TIMM8B: variants seen among roughly 807,000 people sequenced by gnomAD.
TIMM8B encodes the protein translocase of inner mitochondrial membrane 8 homolog B.
TIMM8B carries 5 observed loss-of-function variants against 8.5 expected under a neutral mutation model. That is an observed-to-expected ratio of 0.59 (90% CI 0.31 to 1.24). The LOEUF (loss-of-function observed/expected upper bound fraction) is 1.24. Ranked by LOEUF, TIMM8B falls within the 50% of genes most tolerant of loss-of-function variation. The pLI is 0.07. For missense variants in TIMM8B, 104 were observed against 109.2 expected (o/e 0.95, Z 0.21); for synonymous variants, 44 against 39.9 (o/e 1.10, Z -0.39).
At chr11:112,086,151 T>C (rs543527991) in intron 1 of TIMM8B, 172 of 802,390 alleles carry the variant, frequency 2.1e-4, no homozygotes, top group South Asian at 1.0e-3. Flanking sequence ...TCTACATCCA[T>C]AGTCTACAGC....
intron 1 of TIMM8B, among the ~76,000 whole-genome samples, chr11:112,085,737 T>C (rs1865582622): frequency 6.6e-6 from 1 of 151,966 alleles, no homozygotes. Flanking sequence ...CCAATTAATT[T>C]TCCCAAACTA....
intron 1 of TIMM8B, chr11:112,085,875 G>C (rs945102547): frequency 2.6e-6 from 1 of 390,460 alleles, no homozygotes; most frequent in African/African-American, 2.1e-5. Flanking sequence ...ACTGTCATTA[G>C]AATGTTCAGG....
At position 112,085,235 on chromosome 11, in the gene TIMM8B, T is replaced by C; in HGVS notation, c.*60A>G. 6.9e-7 allele frequency: 1 copy of C among 1,449,522 alleles called. No individual in the cohort carries two copies. Among genetic ancestry groups the C allele is most frequent in the African/African-American group, 1.4e-5 (1 of 71,518 alleles). The allele number at this position is 1,449,522 out of a possible 1,614,324, so 89.8% of individuals were successfully genotyped here. ...CAATGGGTTGATAGCCTTCCCCCAC[T>C]GACCCTTAAATCTGCTTAGTAACAA... On this transcript the variant is annotated 3_prime_UTR_variant, in exon 2 of 2. Coordinates refer to ENST00000504148, the MANE Select transcript of TIMM8B (RefSeq NM_012459.4).
Position 112,085,005 on chromosome 11 carries a change from T to TC in TIMM8B, c.*289dup. On this transcript the variant is annotated 3_prime_UTR_variant, in exon 2 of 2. Transcript: ENST00000504148. ...CACTACTGGCCATGGAACATTTATT[T>TC]CTAGTGTTCCTGCCAATCAGAGATC... is the stretch of plus-strand genomic sequence containing the variant. 1 of 247,432 alleles carries TC rather than the reference T, an allele frequency of 4.0e-6. No homozygotes were observed. Among genetic ancestry groups the TC allele is most frequent in the Non-Finnish European group, 7.7e-6 (1 of 129,104 alleles). The allele number at this position is 247,432 out of a possible 1,614,324, so 15.3% of individuals were successfully genotyped here. A position where few individuals can be genotyped will look rare whatever the true frequency, so the allele number is the denominator to read the frequency against.
chr11:112,086,578 C>A, intron 1 of TIMM8B, 62 bp downstream of exon 1: 2 of 1,497,882 alleles, frequency 1.3e-6, no homozygotes, highest in Non-Finnish European at 1.8e-6. Context: ...GACCTCCGAG[C>A]GTGCCCAGGA....
In TIMM8B at chr11:112,085,375, T is replaced by A. The variant is rs1397070165; in HGVS notation, c.172A>T (p.Ser58Cys). Residue 58 changes from serine (S) to cysteine (C), a missense_variant, in exon 2 of 2, where the codon AGC becomes TGC. Physicochemically the swap from Ser to Cys is moderately radical, Grantham distance 112. Coordinates refer to ENST00000504148, the MANE Select transcript of TIMM8B (RefSeq NM_012459.4). ...GTGTCAATGAAGCGGTCTACACAGC[T>A]GGAGAGACAATTTTCAGTGCGAGAG... ...LDSRTENCLSSCVDRFIDTTL... is the reference protein window; with the variant it reads ...LDSRTENCLSCCVDRFIDTTL... 1 of 1,613,974 alleles carries A rather than the reference T, an allele frequency of 6.2e-7. No individual in the cohort carries two copies. The highest frequency in any genetic ancestry group is 1.7e-5 in the Admixed American group (1 of 60,022).
chr11:112,085,569 C>T (rs771815193), intron 1 of TIMM8B, 107 bp from the exon 2 acceptor site: 2 of 913,346 alleles, frequency 2.2e-6, no homozygotes, highest in Non-Finnish European at 3.2e-6. Context: ...TTTAAATCAA[C>T]CACGGAGTCA....
Position 112,085,111 on chromosome 11 carries a change from G to C in TIMM8B, c.*184C>G. 2.1e-6 allele frequency: 1 copy of C among 467,940 alleles called. No homozygotes were observed. The highest frequency in any genetic ancestry group is 3.7e-6 in the Non-Finnish European group (1 of 267,158). 29.0% of individuals were successfully genotyped at this position (467,940 alleles called of 1,614,324 possible). A position where few individuals can be genotyped will look rare whatever the true frequency, so the allele number is the denominator to read the frequency against. ...TGAGTAACTGATGTCATACAACCTG[G>C]AATTTCTGAATTCCAAATAAATAAA... On this transcript the variant is annotated 3_prime_UTR_variant, in exon 2 of 2. Coordinates refer to ENST00000504148, the MANE Select transcript of TIMM8B (RefSeq NM_012459.4).
chr11:112,086,012 C>G, intron 1 of TIMM8B: 1 of 1,154,552 alleles, frequency 8.7e-7, no homozygotes, highest in Non-Finnish European at 1.1e-6. Flanking sequence ...AATCAGTTCT[C>G]TCTAAGGTCC....
intron 1 of TIMM8B, chr11:112,085,931 C>A: frequency 1.1e-6 from 1 of 948,774 alleles, no homozygotes; most frequent in Non-Finnish European, 1.3e-6. Flanking sequence ...TCCGAGCACC[C>A]TCTTCCTCCC....
intron 1 of TIMM8B, 52 bp downstream of exon 1, chr11:112,086,582 CCCAGGA>C: frequency 6.6e-7 from 1 of 1,504,044 alleles, no homozygotes; most frequent in South Asian, 1.3e-5. Context: ...TCCGAGCGTG[CCCAGGA>C]CCACCAAGGA....
At chr11:112,086,285 G>A (rs1362363685) in intron 1 of TIMM8B, 1 of 502,368 alleles carries the variant, frequency 2.0e-6, no homozygotes, top group Non-Finnish European at 3.8e-6. Flanking sequence ...CACAGTGGAT[G>A]AGTATCTTTT....
intron 1 of TIMM8B, among the ~76,000 whole-genome samples, chr11:112,085,770 C>A (rs1865583678): frequency 6.6e-6 from 1 of 152,140 alleles, no homozygotes; most frequent in Non-Finnish European, 1.5e-5. Flanking sequence ...TATTCCAAAC[C>A]TATCCCCTAG....
chr11:112,084,996 A>C lies in TIMM8B; in HGVS notation c.*299T>G, dbSNP rs543821094. The stretch of plus-strand genomic sequence containing the variant: ...CCCCATTTGCACTACTGGCCATGGA[A>C]CATTTATTTCTAGTGTTCCTGCCAA... On this transcript the variant is annotated 3_prime_UTR_variant, in exon 2 of 2. Transcript: ENST00000504148. 9.8e-4 allele frequency: 231 copies of C among 234,954 alleles called. 1 individual carries two copies. Among genetic ancestry groups the C allele is most frequent in the African/African-American group, 5.0e-3 (224 of 44,776 alleles). The allele number at this position is 234,954 out of a possible 1,614,324, so 14.6% of individuals were successfully genotyped here.
rs562181758 is a variant in TIMM8B at position 112,085,909 on chromosome 11, T to G, written c.85-447A>C. The G allele has an allele frequency of 5.7e-5, 38 of 670,570 alleles. 1 individual carries two copies. In the South Asian group the frequency reaches 1.4e-3, roughly 25 times the overall value. The allele number at this position is 670,570 out of a possible 1,614,324, so 41.5% of individuals were successfully genotyped here. ...GGGCCCAAAGATTTCTAGCCAGGGT[T>G]CTTGCTGGTCATCCGAGCACCCTCT... On this transcript the variant is annotated intron_variant, in intron 1 of 1. Coordinates refer to ENST00000504148, the MANE Select transcript of TIMM8B (RefSeq NM_012459.4).
At position 112,085,053 on chromosome 11, in the gene TIMM8B, G is replaced by C. The variant is rs1438897575; in HGVS notation, c.*242C>G. The C allele has an allele frequency of 8.2e-6, 3 of 366,740 alleles. No homozygotes were observed. The highest frequency in any genetic ancestry group is 6.1e-5 in the African/African-American group (3 of 48,916). 22.7% of individuals were successfully genotyped at this position (366,740 alleles called of 1,614,324 possible). A position where few individuals can be genotyped will look rare whatever the true frequency, so the allele number is the denominator to read the frequency against. On this transcript the variant is annotated 3_prime_UTR_variant, in exon 2 of 2. Coordinates refer to ENST00000504148, the MANE Select transcript of TIMM8B (RefSeq NM_012459.4). ...ATCTCTATATTAAATTCTAAAATGG[G>C]ATTAAAAGAAGAGTTGGAGAATTCA...
chr11:112,086,412 T>C, intron 1 of TIMM8B: 1 of 766,940 alleles, frequency 1.3e-6, no homozygotes. Flanking sequence ...CGCCCAAATC[T>C]TCCCTGTTTT....
In TIMM8B at chr11:112,086,725, G is replaced by A. The variant is rs745826399; in HGVS notation, c.-2C>T. The A allele has an allele frequency of 3.7e-6, 6 of 1,602,072 alleles. No homozygotes were observed. The highest frequency in any genetic ancestry group is 2.7e-5 in the African/African-American group (2 of 74,818). On this transcript the variant is annotated 5_prime_UTR_variant, in exon 1 of 2. Coordinates refer to ENST00000504148, the MANE Select transcript of TIMM8B (RefSeq NM_012459.4). ...ATCGGCTTCGCCCAGCTCCGCCATT[G>A]TTCGCCTCAGGCTCGCCACCTTCCG... is the stretch of plus-strand genomic sequence containing the variant.
At position 112,085,452 on chromosome 11, in the gene TIMM8B, A is replaced by T; in HGVS notation, c.95T>A (p.Phe32Tyr). 1 of 1,613,568 alleles carries T rather than the reference A, an allele frequency of 6.2e-7. No homozygotes were observed. The highest frequency in any genetic ancestry group is 8.5e-7 in the Non-Finnish European group (1 of 1,179,618). Residue 32 changes from phenylalanine (F) to tyrosine (Y), a missense_variant, in exon 2 of 2, where the codon TTC (phenylalanine) becomes TAC (tyrosine). Transcript: ENST00000504148. ...KAQFTAQVHH[F>Y]MELCWDKCVE... ...ACATTTATCCCAACATAACTCCATG[A>T]AGTGATGCACCTAAAAGGAAAGAAA...
Sources: allele counts gnomAD v4.1 joint callset (sites outside exome capture counted in the v4.1 genomes callset), GRCh38; gene constraint gnomAD v4.1.1; transcripts MANE v1.5; gene names NCBI Gene and HGNC (gene_info 2026-07-23, HGNC 2026-07-21).